The following CEP250 variants were observed in gnomAD, a reference collection of about 807,000 sequenced individuals.
CEP250 encodes the protein centrosome-associated protein CEP250.
CEP250 carries 242 observed loss-of-function variants against 315.7 expected under a neutral mutation model. That is an observed-to-expected ratio of 0.77 (90% CI 0.69 to 0.85). The LOEUF (loss-of-function observed/expected upper bound fraction) is 0.85. Ranked by LOEUF, CEP250 falls within the 40% of genes least tolerant of loss-of-function variation. The pLI is 0.00. For missense variants in CEP250, 2,515 were observed against 2,886.4 expected, an observed-to-expected ratio of 0.87 and a Z score of 2.95; for synonymous variants, 1,088 against 1,175.0, an observed-to-expected ratio of 0.93 and a Z score of 1.51.
rs760033053 is a variant in CEP250, at chr20:35,504,558, G to A, written c.6189G>A (p.Lys2063=). 5 of 1,614,148 alleles carry A rather than the reference G, an allele frequency of 3.1e-6. No individual in the cohort carries two copies. The Admixed American group carries it at 6.7e-5, about 22-fold the overall frequency. ...AGGAACGGGAGCAGCTGCTGGAGAA[G>A]TCTCTGGCCCAGAGGGTCCAAGAGA... The part of the protein sequence containing the change: ...HQQEREQLLE[K]SLAQRVQENM... Residue 2063 remains lysine, a synonymous_variant, in exon 30 of 35, where the codon AAG becomes AAA. Coordinates refer to ENST00000397527, the MANE Select transcript of CEP250 (RefSeq NM_007186.6).
intron 20 of CEP250, among the ~76,000 whole-genome samples, chr20:35,486,462 T>G (rs2063517579): frequency 6.6e-6 from 1 of 151,698 alleles, no homozygotes; most frequent in Non-Finnish European, 1.5e-5. Flanking sequence ...AGGCTGGTCT[T>G]GAACTCCTAG....
At chr20:35,481,745 T>C (rs1166157383) in intron 20 of CEP250, among the ~76,000 whole-genome samples, 1 of 152,192 alleles carries the variant, frequency 6.6e-6, no homozygotes, top group African/African-American at 2.4e-5. Context: ...CTCTGTCGCC[T>C]AGACTGGAGT....
intron 4 of CEP250, 129 bp downstream of exon 4, chr20:35,462,682 GA>G (rs1376093228): frequency 1.4e-6 from 1 of 690,862 alleles, no homozygotes; most frequent in Non-Finnish European, 2.4e-6. Flanking sequence ...GGTGAGATAA[GA>G]CCCAGACCTT....
rs2147166718 is a variant in CEP250 at position 35,503,998 on chromosome 20, G to A, written c.5629G>A (p.Val1877Met). ...QARRLEEELAVEGRRVQALEE... is the reference protein window; with the variant it reads ...QARRLEEELAMEGRRVQALEE... ...ACGAAGGCTGGAGGAAGAGCTGGCA[G>A]TGGAGGGACGGCGGGTCCAGGCCCT... Residue 1877 changes from valine to methionine, a missense_variant, in exon 30 of 35, where the codon GTG becomes ATG. By Grantham distance (21) the Val-to-Met change is conservative. Coordinates refer to ENST00000397527, the MANE Select transcript of CEP250 (RefSeq NM_007186.6). This position sits in a 1 kb window ranked among gnomAD's most constrained non-coding sequence, Gnocchi z 4.2. The A allele has an allele frequency of 6.2e-7, 1 of 1,609,798 alleles. No homozygotes were observed. The highest frequency in any genetic ancestry group is 8.5e-7 in the Non-Finnish European group (1 of 1,177,410).
chr20:35,509,094 C>A, intron 33 of CEP250, 50 bp downstream of exon 33: 1 of 1,464,082 alleles, frequency 6.8e-7, no homozygotes, highest in Non-Finnish European at 9.3e-7. Context: ...ACCCCAGCCA[C>A]CAGAAACTCA....
At chr20:35,511,218 C>T (rs1336178989) in intron 34 of CEP250, 145 bp from the exon 35 acceptor site, 2 of 665,224 alleles carry the variant, frequency 3.0e-6, no homozygotes, top group Admixed American at 2.9e-5. Context: ...AAACTCTCTA[C>T]AGCCTGTTTC....
rs780302133 is a variant in CEP250 at position 35,478,014 on chromosome 20, GA to G, written c.2010del (p.Ala671LeufsTer26). 1 of 1,614,096 alleles carries G rather than the reference GA, an allele frequency of 6.2e-7. No individual in the cohort carries two copies. The highest frequency in any genetic ancestry group is 2.2e-5 in the East Asian group (1 of 44,878). ...ACACTCACCTGGAGGCTCAGCTGCA[GA>G]AAGCTGAGGAGGCTGGGGCTGAGCT... is the stretch of plus-strand genomic sequence containing the variant. Reference protein sequence around the residue: ...KNTHLEAQLQKAEEAGAELQA... With the variant: ...KNTHLEAQLQXAEEAGAELQA... On this transcript the variant is annotated frameshift_variant, in exon 17 of 35. Coordinates refer to ENST00000397527, the MANE Select transcript of CEP250 (RefSeq NM_007186.6). LOFTEE classifies it high-confidence loss of function.
At chr20:35,490,895 A>G in intron 21 of CEP250, 91 bp downstream of exon 21, 2 of 1,458,680 alleles carry the variant, frequency 1.4e-6, no homozygotes, top group South Asian at 2.6e-5. Context: ...GGAGTGCTGC[A>G]GAGGGGCTTC....
intron 6 of CEP250, 72 bp from the exon 7 acceptor site, chr20:35,465,967 C>CT (rs1230466776): frequency 6.3e-7 from 1 of 1,577,836 alleles, no homozygotes. Flanking sequence ...TGGTTGCCAT[C>CT]TTACTCCCAG....
chr20:35,500,765 G>A (rs1025166418), intron 28 of CEP250, among the ~76,000 whole-genome samples: 1 of 152,182 alleles, frequency 6.6e-6, no homozygotes, highest in African/African-American at 2.4e-5. Context: ...ACTTCCAAAG[G>A]GGTGCTGACC....
In CEP250 at chr20:35,472,683, A is replaced by G; in HGVS notation, c.1061A>G (p.Glu354Gly). 6.2e-7 allele frequency: 1 copy of G among 1,614,120 alleles called. No homozygotes were observed. Reference sequence around the variant, plus strand: ...TGTATTGGGTTTCAGGTCATGGTGGAAGAAGGGGACAATATAGCCCAAGGC... The same window carrying G: ...TGTATTGGGTTTCAGGTCATGGTGGGAGAAGGGGACAATATAGCCCAAGGC... The part of the protein sequence containing the change: ...VIKDITQVMV[E>G]EGDNIAQGSG... The change falls in exon 12 of 35, where the codon GAA (glutamate) becomes GGA (glycine). Residue 354 changes from glutamate (E) to glycine (G), a missense_variant. Coordinates refer to ENST00000397527, the MANE Select transcript of CEP250 (RefSeq NM_007186.6).
chr20:35,489,939 G>T (rs1490719454), intron 20 of CEP250, among the ~76,000 whole-genome samples: 1 of 152,218 alleles, frequency 6.6e-6, no homozygotes, highest in African/African-American at 2.4e-5. Flanking sequence ...AGCTACTCAG[G>T]AGGCTGAGGC....
rs750600808 is a variant in CEP250 at position 35,504,849 on chromosome 20, A to G, written c.6480A>G (p.Arg2160=). ...TGGAGCGGCTACAGGCAGCCCTGAG[A>G]CAGACAGAAGCCAGGGAGATTGAGT... ...RELERLQAAL[R]QTEAREIEWR... The change falls in exon 30 of 35, where the codon AGA becomes AGG. Residue 2160 remains arginine (R), a synonymous_variant. Transcript: ENST00000397527. 6.2e-7 allele frequency: 1 copy of G among 1,614,182 alleles called. No individual in the cohort carries two copies. The highest frequency in any genetic ancestry group is 8.5e-7 in the Non-Finnish European group (1 of 1,180,016).
chr20:35,460,609 G>T (rs750966921), intron 3 of CEP250, among the ~76,000 whole-genome samples: 1 of 152,358 alleles, frequency 6.6e-6, no homozygotes, highest in South Asian at 2.1e-4. Context: ...CAACTGTGCA[G>T]CTGGTTGTTG....
chr20:35,485,234 G>T (rs922654315), intron 20 of CEP250, among the ~76,000 whole-genome samples: 3 of 152,060 alleles, frequency 2.0e-5, no homozygotes, highest in Admixed American at 6.6e-5. Flanking sequence ...TATTAGCCGG[G>T]TGTGGTGGCA....
At position 35,467,361 on chromosome 20, in the gene CEP250, T is replaced by C; in HGVS notation, c.657T>C (p.Cys219=). 2 of 1,614,172 alleles carry C rather than the reference T, an allele frequency of 1.2e-6. No individual in the cohort carries two copies. Among genetic ancestry groups the C allele is most frequent in the Non-Finnish European group, 8.5e-7 (1 of 1,180,012 alleles). The change falls in exon 9 of 35, where the codon TGT becomes TGC. Residue 219 remains cysteine (C), a synonymous_variant. Transcript: ENST00000397527. The part of the protein sequence containing the change: ...HVRLSGSLLT[C]CLRLTVGAQS... ...GGCTTTCAGGGTCTCTGTTGACCTG[T>C]TGTCTGCGCTTGACTGTGGGAGCAC...
chr20:35,489,591 C>T (rs907434761), intron 20 of CEP250, among the ~76,000 whole-genome samples: 4 of 152,210 alleles, frequency 2.6e-5, no homozygotes, highest in African/African-American at 9.7e-5. Context: ...AGATTCTCCA[C>T]CCAGGCAGCC....
chr20:35,490,825 G>A, intron 21 of CEP250, 21 bp downstream of exon 21: 1 of 1,609,598 alleles, frequency 6.2e-7, no homozygotes. Context: ...AGGAGGATTG[G>A]AGCTGCACGT....
intron 23 of CEP250, among the ~76,000 whole-genome samples, chr20:35,493,824 C>T (rs2063763044): frequency 6.6e-6 from 1 of 152,164 alleles, no homozygotes; most frequent in African/African-American, 2.4e-5. Flanking sequence ...GTCTCAGTTT[C>T]AATTGTTCTT....
Sources: gnomAD v4.1 joint callset for allele counts (sites outside exome capture counted in the v4.1 genomes callset) on GRCh38, gnomAD v4.1.1 for gene constraint, Gnocchi (gnomAD v3.1) non-coding constraint, MANE v1.5 for transcripts, NCBI Gene and HGNC (gene_info 2026-07-23, HGNC 2026-07-21) for gene names.